The following AFG2A variants were observed in gnomAD, a reference collection of about 807,000 sequenced individuals.
The protein encoded by AFG2A is AAA ATPase AFG2A, also known as ATPase family gene 2 protein homolog A.
chr4:123,157,323 C>T, the AFG2A span, among the ~76,000 whole-genome samples: 2 of 152,070 alleles, frequency 1.3e-5, no homozygotes, highest in African/African-American at 4.8e-5. Context: ...CGCACCCAGC[C>T]TCTACAAGCT....
the AFG2A span, among the ~76,000 whole-genome samples, chr4:123,238,768 C>T: frequency 3.0e-4 from 45 of 152,178 alleles, no homozygotes; most frequent in Non-Finnish European, 5.7e-4. Context: ...AAAACCAGAG[C>T]GCCTCTTCTC....
At chr4:122,953,720 C>G in the AFG2A span, among the ~76,000 whole-genome samples, 6 of 152,264 alleles carry the variant, frequency 3.9e-5, no homozygotes, top group Non-Finnish European at 5.9e-5. Flanking sequence ...GTTCCTGCCA[C>G]TACCAGGTTG....
At chr4:123,169,424 C>G in the AFG2A span, among the ~76,000 whole-genome samples, 85,465 of 152,088 alleles carry the variant, frequency 0.56, 27,004 homozygotes, top group Non-Finnish European at 0.7. Flanking sequence ...ATTAGTCCGA[C>G]GTATTACAGT....
the AFG2A span, among the ~76,000 whole-genome samples, chr4:122,971,687 T>C: frequency 2.6e-5 from 4 of 152,106 alleles, no homozygotes; most frequent in East Asian, 7.7e-4. Flanking sequence ...GAATTTTTTT[T>C]GTTGTATGCG....
At chr4:123,202,915 C>T in the AFG2A span, among the ~76,000 whole-genome samples, 10 of 152,050 alleles carry the variant, frequency 6.6e-5, no homozygotes, top group Non-Finnish European at 1.5e-4. Flanking sequence ...CCTAGCTACT[C>T]GGGAGGCTGG....
At chr4:122,981,204 T>C in the AFG2A span, among the ~76,000 whole-genome samples, 1 of 152,180 alleles carries the variant, frequency 6.6e-6, no homozygotes, top group Non-Finnish European at 1.5e-5. Flanking sequence ...GCCAGTTTCA[T>C]GTGTGGACAT....
chr4:123,137,442 T>C, the AFG2A span, among the ~76,000 whole-genome samples: 1 of 152,250 alleles, frequency 6.6e-6, no homozygotes, highest in Non-Finnish European at 1.5e-5. Flanking sequence ...TTCACATTTA[T>C]CAATTGTTGC....
chr4:123,011,201 C>T, the AFG2A span, among the ~76,000 whole-genome samples: 9 of 152,202 alleles, frequency 5.9e-5, no homozygotes, highest in African/African-American at 1.9e-4. Context: ...TTAAAGTTTG[C>T]TTATATGAGT....
the AFG2A span, among the ~76,000 whole-genome samples, chr4:122,971,470 A>G: frequency 3.3e-5 from 5 of 152,200 alleles, no homozygotes; most frequent in Non-Finnish European, 4.4e-5. Context: ...TTTTTTATCT[A>G]TCAATTATGT....
the AFG2A span, among the ~76,000 whole-genome samples, chr4:123,027,817 A>G: frequency 1.3e-5 from 2 of 152,210 alleles, no homozygotes; most frequent in African/African-American, 4.8e-5. Flanking sequence ...AAACAGGTAT[A>G]AGAAATTAGA....
At chr4:122,954,331 A>G in the AFG2A span, among the ~76,000 whole-genome samples, 1 of 152,208 alleles carries the variant, frequency 6.6e-6, no homozygotes, top group Non-Finnish European at 1.5e-5. Context: ...CCTTCTGCCC[A>G]GCTCCACTAG....
chr4:123,199,426 C>T, the AFG2A span, among the ~76,000 whole-genome samples: 3 of 139,028 alleles, frequency 2.2e-5, no homozygotes, highest in African/African-American at 8.0e-5. Flanking sequence ...ATGAAAGAAA[C>T]TAAATTATGG....
the AFG2A span, among the ~76,000 whole-genome samples, chr4:123,007,592 G>GT: frequency 7.3e-5 from 2 of 27,460 alleles, no homozygotes; most frequent in Non-Finnish European, 1.7e-4. Context: ...GTGTGTGTGT[G>GT]TGTGTGTGTG....
chr4:123,289,897 G>A, the AFG2A span, among the ~76,000 whole-genome samples: 3 of 151,598 alleles, frequency 2.0e-5, no homozygotes, highest in Non-Finnish European at 1.5e-5. Context: ...ACATGTACAT[G>A]TTGTGCAGGT....
At chr4:123,300,051 A>C in the AFG2A span, among the ~76,000 whole-genome samples, 2 of 152,216 alleles carry the variant, frequency 1.3e-5, no homozygotes, top group Admixed American at 6.5e-5. Flanking sequence ...ACAAGCATAT[A>C]GTTTTAAATC....
chr4:123,214,867 T>C, the AFG2A span, among the ~76,000 whole-genome samples: 1 of 152,044 alleles, frequency 6.6e-6, no homozygotes, highest in Non-Finnish European at 1.5e-5. Flanking sequence ...ATATAATACA[T>C]ATAAAATACA....
the AFG2A span, chr4:122,929,317 A>G: frequency 8.8e-7 from 1 of 1,131,782 alleles, no homozygotes; most frequent in Non-Finnish European, 1.2e-6. Flanking sequence ...AAAAGTAGAG[A>G]GAAACAGGTA....
chr4:122,983,748 C>T, the AFG2A span, among the ~76,000 whole-genome samples: 2 of 152,122 alleles, frequency 1.3e-5, no homozygotes, highest in African/African-American at 4.8e-5. Context: ...CAGAATGTGT[C>T]ATGTGCACTT....
chr4:123,266,052 C>G, the AFG2A span, among the ~76,000 whole-genome samples: 2 of 151,996 alleles, frequency 1.3e-5, no homozygotes, highest in Admixed American at 1.3e-4. Context: ...GCTGTTAACT[C>G]TGTAGCATAG....
Sources: gnomAD v4.1 joint callset for allele counts (sites outside exome capture counted in the v4.1 genomes callset) on GRCh38, gnomAD v4.1.1 for gene constraint, MANE v1.5 for transcripts, NCBI Gene and HGNC (gene_info 2026-07-23, HGNC 2026-07-21) for gene names.